SCFD2: variants seen among roughly 807,000 people sequenced by gnomAD.
SCFD2 encodes sec1 family domain containing 2, also known as sec1 family domain-containing protein 2.
SCFD2 carries 54 observed loss-of-function variants against 58.9 expected under a neutral mutation model. The observed-to-expected ratio is 0.92, with a 90% confidence interval of 0.74 to 1.15. SCFD2 has a LOEUF of 1.15. SCFD2 is among the 50% of genes most tolerant of loss of function. The pLI is 0.00. For missense variants in SCFD2, 805 were observed against 836.6 expected, an observed-to-expected ratio of 0.96 and a Z score of 0.47; for synonymous variants, 321 against 335.9, an observed-to-expected ratio of 0.96 and a Z score of 0.49.
intron 4 of SCFD2, among the ~76,000 whole-genome samples, chr4:53,189,931 T>G (rs1727845468): frequency 6.6e-6 from 1 of 152,210 alleles, no homozygotes; most frequent in Non-Finnish European, 1.5e-5. Context: ...AAATTTTTGC[T>G]GAAAAATGAA....
chr4:52,968,031 CA>C (rs540303151), intron 5 of SCFD2, among the ~76,000 whole-genome samples: 20 of 152,072 alleles, frequency 1.3e-4, no homozygotes, highest in African/African-American at 4.6e-4. Context: ...GGAAGGCTGG[CA>C]ACACATAATA....
intron 4 of SCFD2, among the ~76,000 whole-genome samples, chr4:53,232,139 T>C (rs912363423): frequency 6.6e-6 from 1 of 152,054 alleles, no homozygotes; most frequent in African/African-American, 2.4e-5. Context: ...AAATTATGAA[T>C]CCAGAATGTT....
intron 5 of SCFD2, among the ~76,000 whole-genome samples, chr4:53,088,745 T>G (rs115327681): frequency 0.016 from 2,465 of 152,182 alleles, 51 homozygotes; most frequent in Non-Finnish European, 0.022. Flanking sequence ...AAATTTTAGG[T>G]TGATGCTGGA....
At chr4:53,324,043 T>A (rs6810475) in intron 2 of SCFD2, among the ~76,000 whole-genome samples, 14,998 of 152,058 alleles carry the variant, frequency 0.099, 1,117 homozygotes, top group South Asian at 0.21. Context: ...TAGGAAGGCA[T>A]TGAACAACTT....
chr4:52,910,293 G>A (rs959468707), intron 6 of SCFD2, among the ~76,000 whole-genome samples: 2 of 152,184 alleles, frequency 1.3e-5, no homozygotes, highest in Non-Finnish European at 2.9e-5. Context: ...AGTGAAGCCT[G>A]GAGCTCCAGC....
chr4:52,963,017 G>T (rs1047289260), intron 5 of SCFD2, among the ~76,000 whole-genome samples: 1 of 152,164 alleles, frequency 6.6e-6, no homozygotes, highest in Non-Finnish European at 1.5e-5. Context: ...TGACTTACTT[G>T]TATATAAGCT....
At chr4:53,257,335 T>C (rs1730677128) in intron 4 of SCFD2, among the ~76,000 whole-genome samples, 2 of 151,954 alleles carry the variant, frequency 1.3e-5, no homozygotes, top group South Asian at 2.1e-4. Context: ...TGAAGAAGAG[T>C]GCAGAAAGAA....
chr4:52,908,813 C>A (rs1719412737), intron 6 of SCFD2, among the ~76,000 whole-genome samples: 1 of 152,166 alleles, frequency 6.6e-6, no homozygotes, highest in African/African-American at 2.4e-5. Flanking sequence ...GCAGGGAAAA[C>A]TAGCATCTTC....
At chr4:53,025,972 T>C (rs888220813) in intron 5 of SCFD2, among the ~76,000 whole-genome samples, 11 of 152,322 alleles carry the variant, frequency 7.2e-5, no homozygotes, top group African/African-American at 2.6e-4. Context: ...TGTACTTTCA[T>C]GAACATGGAT....
intron 4 of SCFD2, among the ~76,000 whole-genome samples, chr4:53,223,302 C>T (rs1250609585): frequency 3.3e-5 from 5 of 152,264 alleles, no homozygotes; most frequent in African/African-American, 1.2e-4. Flanking sequence ...AAATCAGGAA[C>T]AGATAGTAAG....
At chr4:53,228,449 G>C (rs1384247624) in intron 4 of SCFD2, among the ~76,000 whole-genome samples, 2 of 152,070 alleles carry the variant, frequency 1.3e-5, no homozygotes, top group Admixed American at 6.6e-5. Context: ...GTTGTCTTCT[G>C]TTGCTTCAAC....
Position 52,892,439 on chromosome 4 carries a change from G to A in SCFD2, c.1843-6573C>T, listed in dbSNP as rs376258337. On this transcript the variant is annotated intron_variant, in intron 7 of 8. Coordinates refer to ENST00000401642, the MANE Select transcript of SCFD2 (RefSeq NM_152540.4). ...AGCAAACATCCAATGGCACTTCAGTGTTTCTGGTCAAATGTCAAAACTCCA... is the reference window on the plus strand; with the variant it reads ...AGCAAACATCCAATGGCACTTCAGTATTTCTGGTCAAATGTCAAAACTCCA... Among the ~76,000 whole-genome samples, 482 of 152,224 alleles carry A rather than the reference G, an allele frequency of 3.2e-3. 4 individuals carry two copies. Among genetic ancestry groups the A allele is most frequent in the South Asian group, 0.018 (85 of 4,816 alleles).
chr4:53,019,376 A>T (rs1722292635), intron 5 of SCFD2, among the ~76,000 whole-genome samples: 3 of 152,338 alleles, frequency 2.0e-5, no homozygotes, highest in South Asian at 4.1e-4. Context: ...ATAGATACTT[A>T]TATGTATATG....
intron 5 of SCFD2, 103 bp downstream of exon 5, chr4:53,145,230 T>C: frequency 1.4e-6 from 2 of 1,388,268 alleles, no homozygotes; most frequent in Non-Finnish European, 2.0e-6. Flanking sequence ...TCCAAACAAC[T>C]CCAGTGAAGA....
intron 3 of SCFD2, among the ~76,000 whole-genome samples, chr4:53,290,164 C>CACA (rs1304756445): frequency 6.6e-6 from 1 of 152,084 alleles, no homozygotes; most frequent in Non-Finnish European, 1.5e-5. Flanking sequence ...CTAACAGCAA[C>CACA]AGAATAATAT....
At chr4:53,050,655 T>C (rs1234795345) in intron 5 of SCFD2, among the ~76,000 whole-genome samples, 1 of 152,196 alleles carries the variant, frequency 6.6e-6, no homozygotes, top group African/African-American at 2.4e-5. Context: ...ATTCTCCACA[T>C]TGAGGTCAGT....
intron 4 of SCFD2, among the ~76,000 whole-genome samples, chr4:53,183,048 T>C (rs1727625355): frequency 6.6e-6 from 1 of 152,206 alleles, no homozygotes; most frequent in Non-Finnish European, 1.5e-5. Flanking sequence ...TTTTACACTG[T>C]TGGTGAGCCT....
rs567954678 is a variant in SCFD2 at position 53,043,483 on chromosome 4, A to G, written c.1561+101850T>C. On this transcript the variant is annotated intron_variant, in intron 5 of 8. Transcript: ENST00000401642. ...TTGCTGTGAAATCCATGCATTTGTC[A>G]ACAAAGATTAGTTAAATTGAAGAAA... 2.6e-5 allele frequency among the ~76,000 whole-genome samples: 4 copies of G among 152,346 alleles called. No homozygotes were observed. The South Asian group carries it at 8.3e-4, about 32-fold the overall frequency.
At chr4:53,340,283 G>A (rs1437822081) in intron 2 of SCFD2, among the ~76,000 whole-genome samples, 3 of 152,192 alleles carry the variant, frequency 2.0e-5, no homozygotes, top group African/African-American at 7.2e-5. Context: ...TTTTCCAACG[G>A]TTCTAGCAAA....
Sources: allele counts gnomAD v4.1 joint callset (sites outside exome capture counted in the v4.1 genomes callset), GRCh38; gene constraint gnomAD v4.1.1; transcripts MANE v1.5; gene names NCBI Gene and HGNC (gene_info 2026-07-23, HGNC 2026-07-21).